The following BUB1 variants were observed in gnomAD, a reference collection of about 807,000 sequenced individuals.
The protein encoded by BUB1 is mitotic checkpoint serine/threonine-protein kinase BUB1.
BUB1 carries 84 observed loss-of-function variants against 135.2 expected under a neutral mutation model. That is an observed-to-expected ratio of 0.62 (90% CI 0.52 to 0.74). The LOEUF (loss-of-function observed/expected upper bound fraction) is 0.74, where lower values mean the gene tolerates loss of function less well. Among genes scored for constraint, BUB1 ranks in the 30% least tolerant of loss-of-function variants. The pLI, the probability that BUB1 is intolerant of heterozygous loss-of-function variation, is 0.00. For synonymous variants in BUB1, 403 were observed against 434.4 expected (o/e 0.93, Z 0.90); for missense variants, 1,162 against 1,288.3 (o/e 0.90, Z 1.50).
At chr2:110,644,959 A>G (rs1175526974) in intron 19 of BUB1, among the ~76,000 whole-genome samples, 2 of 152,248 alleles carry the variant, frequency 1.3e-5, no homozygotes, top group East Asian at 3.8e-4. Flanking sequence ...AAATGGAATT[A>G]TGAAAGAACT....
chr2:110,648,685 T>TAAGAG lies in BUB1; in HGVS notation c.2347+548_2347+549insCTCTT, dbSNP rs1689706557. 6.6e-6 allele frequency: 1 copy of TAAGAG among 152,204 alleles called. No homozygotes were observed. The highest frequency in any genetic ancestry group is 1.5e-5 in the Non-Finnish European group (1 of 68,036). 9.4% of individuals were successfully genotyped at this position (152,204 alleles called of 1,614,324 possible). On this transcript the variant is annotated intron_variant, in intron 19 of 24. Coordinates refer to ENST00000302759, the MANE Select transcript of BUB1 (RefSeq NM_004336.5). This position sits in a 1 kb window ranked among gnomAD's most constrained non-coding sequence, Gnocchi z 4.2. ...ATGTACTTTATGCTGAATTTTTCTGTAAGCTTAAAACTTCTCTTAAAAATA... is the reference window on the plus strand; with the variant it reads ...ATGTACTTTATGCTGAATTTTTCTGTAAGAGAAGCTTAAAACTTCTCTTAAAAATA...
intron 9 of BUB1, among the ~76,000 whole-genome samples, chr2:110,663,085 C>T (rs1690142862): frequency 1.3e-5 from 2 of 152,182 alleles, no homozygotes; most frequent in South Asian, 2.1e-4. Flanking sequence ...TCACGATCAG[C>T]CTGGCCAACA....
At position 110,648,399 on chromosome 2, in the gene BUB1, A is replaced by G. The variant is rs974860821; in HGVS notation, c.2347+835T>C. On this transcript the variant is annotated intron_variant, in intron 19 of 24. Coordinates refer to ENST00000302759, the MANE Select transcript of BUB1 (RefSeq NM_004336.5). The surrounding 1 kb of genome is among the most constrained non-coding windows in gnomAD (Gnocchi z 4.2). ...TGCCAGGCGTTGGGGGACAAGGAGG[A>G]AGGGATGAATAGGTGAGGCACAGGG... 1.5e-4 allele frequency among the ~76,000 whole-genome samples: 23 copies of G among 152,160 alleles called. No homozygotes were observed. The highest frequency in any genetic ancestry group is 2.8e-4 in the Non-Finnish European group (19 of 68,018).
At position 110,658,606 on chromosome 2, in the gene BUB1, T is replaced by C; in HGVS notation, c.1405+8A>G. 1.9e-6 allele frequency: 3 copies of C among 1,614,214 alleles called. No homozygotes were observed. Among genetic ancestry groups the C allele is most frequent in the South Asian group, 1.1e-5 (1 of 91,092 alleles). On this transcript the variant is annotated splice_region_variant and intron_variant, in intron 12 of 24. Coordinates refer to ENST00000302759, the MANE Select transcript of BUB1 (RefSeq NM_004336.5). ...TCAGGTGCTACACACTCAGATAAAA[T>C]ACTTTACCTAATGCTTCTTTTGTGT...
In BUB1 at chr2:110,667,696, T is replaced by A. The variant is rs1382810329; in HGVS notation, c.630A>T (p.Arg210Ser). 6.2e-7 allele frequency: 1 copy of A among 1,612,632 alleles called. No individual in the cohort carries two copies. The highest frequency in any genetic ancestry group is 1.7e-5 in the Admixed American group (1 of 59,740). The change falls in exon 8 of 25, where the codon AGA becomes AGT. Residue 210 changes from arginine to serine, a missense_variant. Arg to Ser is a moderately radical substitution (Grantham distance 110). Coordinates refer to ENST00000302759, the MANE Select transcript of BUB1 (RefSeq NM_004336.5). Reference protein sequence around the residue: ...ACDKESNMERRVITISKSEYS... With the variant: ...ACDKESNMERSVITISKSEYS... ...ATTCTGATTTAGAAATCGTGATCACTCTTCGTTCCCTACAATGGGGGAAAA... is the reference window on the plus strand; with the variant it reads ...ATTCTGATTTAGAAATCGTGATCACACTTCGTTCCCTACAATGGGGGAAAA...
chr2:110,660,830 AG>A (rs1690063982), intron 10 of BUB1: 1 of 152,400 alleles, frequency 6.6e-6, no homozygotes, highest in Admixed American at 6.5e-5. Context: ...AGCATTTAAA[AG>A]TAATGGTTAT....
At chr2:110,667,941 G>C (rs953897924) in intron 6 of BUB1, 92 bp from the exon 7 acceptor site, 24 of 1,193,540 alleles carry the variant, frequency 2.0e-5, no homozygotes, top group African/African-American at 3.1e-5. Flanking sequence ...AATGCTTGAG[G>C]GGAAGAGGGA....
intron 18 of BUB1, among the ~76,000 whole-genome samples, chr2:110,649,903 A>G (rs1250919068): frequency 3.9e-5 from 6 of 152,234 alleles, no homozygotes; most frequent in Admixed American, 1.3e-4. Flanking sequence ...ACAAAAAATT[A>G]TATTAGTGGC....
chr2:110,658,139 C>T (rs957053956), intron 13 of BUB1, among the ~76,000 whole-genome samples: 19 of 152,112 alleles, frequency 1.2e-4, no homozygotes, highest in Admixed American at 7.2e-4. Flanking sequence ...AGTGAAGGCT[C>T]AAGTCACACC....
In BUB1 at chr2:110,637,921, C is replaced by A. The variant is rs375754310; in HGVS notation, c.*43G>T. 7.8e-7 allele frequency: 1 copy of A among 1,289,144 alleles called. No individual in the cohort carries two copies. The highest frequency in any genetic ancestry group is 1.0e-6 in the Non-Finnish European group (1 of 978,922). The allele number at this position is 1,289,144 out of a possible 1,614,324, so 79.9% of individuals were successfully genotyped here. A position where few individuals can be genotyped will look rare whatever the true frequency, so the allele number is the denominator to read the frequency against. On this transcript the variant is annotated 3_prime_UTR_variant, in exon 25 of 25. Coordinates refer to ENST00000302759, the MANE Select transcript of BUB1 (RefSeq NM_004336.5). Reference sequence around the variant, plus strand: ...AAAACAGGTTTAAAGTGAGCAGATTCATATTTACAGTGTGATTTTTAAGGA... The same window carrying A: ...AAAACAGGTTTAAAGTGAGCAGATTAATATTTACAGTGTGATTTTTAAGGA...
chr2:110,674,632 C>T (rs1247705395), intron 1 of BUB1, among the ~76,000 whole-genome samples: 2 of 152,216 alleles, frequency 1.3e-5, no homozygotes, highest in Non-Finnish European at 2.9e-5. Context: ...AGCTCTATCC[C>T]CAAGAGTCTC....
chr2:110,671,778 A>G (rs1690430550), intron 4 of BUB1, among the ~76,000 whole-genome samples: 1 of 152,254 alleles, frequency 6.6e-6, no homozygotes. Context: ...TACATAAAGC[A>G]TGCATGCAAT....
chr2:110,643,892 T>G (rs1689569066), intron 19 of BUB1, among the ~76,000 whole-genome samples: 1 of 151,050 alleles, frequency 6.6e-6, no homozygotes. Flanking sequence ...AAATGGGTAA[T>G]ACAGGCAGAG....
chr2:110,670,438 G>C lies in BUB1; in HGVS notation c.466+87C>G, dbSNP rs183561164. ...CAGGTGTGAGCCACCATGCCCAGCC[G>C]GGTTTGTTTTTTAAAGAAAAGAAAA... On this transcript the variant is annotated intron_variant, in intron 5 of 24. Transcript: ENST00000302759. 3.4e-6 allele frequency: 5 copies of C among 1,477,384 alleles called. No homozygotes were observed. The African/African-American group carries it at 5.6e-5, about 16-fold the overall frequency. 91.5% of individuals were successfully genotyped at this position (1,477,384 alleles called of 1,614,324 possible).
intron 19 of BUB1, among the ~76,000 whole-genome samples, chr2:110,643,607 T>C (rs948465998): frequency 6.6e-6 from 1 of 152,164 alleles, no homozygotes; most frequent in African/African-American, 2.4e-5. Context: ...GACACACATA[T>C]GGCAGAGATT....
intron 19 of BUB1, among the ~76,000 whole-genome samples, chr2:110,646,769 T>G (rs1442140550): frequency 6.6e-6 from 1 of 152,176 alleles, no homozygotes. Flanking sequence ...AAGGAAAATT[T>G]GTAGCACTAA....
In BUB1 at chr2:110,637,836, A is replaced by G; in HGVS notation, c.*128T>C. On this transcript the variant is annotated 3_prime_UTR_variant, in exon 25 of 25. Coordinates refer to ENST00000302759, the MANE Select transcript of BUB1 (RefSeq NM_004336.5). ...GAAATATTTATAACAACTAAGTTAC[A>G]TGGAAATATTCCATGGGATTTATTT... The G allele has an allele frequency of 2.8e-6, 2 of 716,718 alleles. No homozygotes were observed. Among genetic ancestry groups the G allele is most frequent in the Non-Finnish European group, 4.0e-6 (2 of 494,360 alleles). 44.4% of individuals were successfully genotyped at this position (716,718 alleles called of 1,614,324 possible). A position where few individuals can be genotyped will look rare whatever the true frequency, so the allele number is the denominator to read the frequency against.
At chr2:110,676,635 G>A (rs996495768) in intron 1 of BUB1, 1 of 152,118 alleles carries the variant, frequency 6.6e-6, no homozygotes, top group African/African-American at 2.4e-5. Flanking sequence ...TGTAAAAAAA[G>A]AATAAGAAAG....
intron 21 of BUB1, 37 bp from the exon 22 acceptor site, chr2:110,641,501 C>A: frequency 6.3e-7 from 1 of 1,577,904 alleles, no homozygotes; most frequent in South Asian, 1.2e-5. Flanking sequence ...GAGTTAGTTG[C>A]ACAAGATTAA....
Sources: gnomAD v4.1 joint callset for allele counts (sites outside exome capture counted in the v4.1 genomes callset) on GRCh38, gnomAD v4.1.1 for gene constraint, Gnocchi (gnomAD v3.1) non-coding constraint, MANE v1.5 for transcripts, NCBI Gene and HGNC (gene_info 2026-07-23, HGNC 2026-07-21) for gene names.